Variants in CRPPA observed in about 807,000 individuals in gnomAD.
CRPPA encodes D-ribitol-5-phosphate cytidylyltransferase.
In CRPPA, 43 loss-of-function variants were observed where a neutral mutation model predicts 52.0. That is an observed-to-expected ratio of 0.83 (90% CI 0.65 to 1.07). CRPPA has a LOEUF of 1.07. Among genes scored for constraint, CRPPA ranks in the 50% least tolerant of loss-of-function variants. The pLI, the probability that CRPPA is intolerant of heterozygous loss-of-function variation, is 0.00. For missense variants in CRPPA, 629 were observed against 551.7 expected (o/e 1.14, Z -1.40); for synonymous variants, 250 against 203.5 (o/e 1.23, Z -1.94).
chr7:16,118,140 C>G (rs896982419), intron 9 of CRPPA, among the ~76,000 whole-genome samples: 1 of 152,158 alleles, frequency 6.6e-6, no homozygotes, highest in Non-Finnish European at 1.5e-5. Flanking sequence ...CGGCTCCATG[C>G]CAACCACTGT....
intron 9 of CRPPA, among the ~76,000 whole-genome samples, chr7:16,122,601 T>A (rs1188165736): frequency 6.6e-6 from 1 of 152,040 alleles, no homozygotes; most frequent in Non-Finnish European, 1.5e-5. Flanking sequence ...CCTATCCCAC[T>A]CAGATTTGTT....
At chr7:16,116,648 G>A (rs1439792765) in intron 9 of CRPPA, among the ~76,000 whole-genome samples, 13 of 11,450 alleles carry the variant, frequency 1.1e-3, no homozygotes, top group Non-Finnish European at 5.3e-3. Context: ...GCAATACAGC[G>A]AGACTCGGTC....
At chr7:16,254,436 T>G (rs1412626504) in intron 8 of CRPPA, among the ~76,000 whole-genome samples, 1 of 151,988 alleles carries the variant, frequency 6.6e-6, no homozygotes, top group South Asian at 2.1e-4. Flanking sequence ...ATGTCCTTTG[T>G]AGGGACATGG....
chr7:16,344,750 C>T (rs2158491), intron 3 of CRPPA, among the ~76,000 whole-genome samples: 39,087 of 151,348 alleles, frequency 0.26, 5,299 homozygotes, highest in Admixed American at 0.32. Context: ...CACAACAGCA[C>T]GCTTGCTCAG....
intron 3 of CRPPA, among the ~76,000 whole-genome samples, chr7:16,331,090 C>G (rs1785541006): frequency 6.6e-6 from 1 of 152,190 alleles, no homozygotes; most frequent in African/African-American, 2.4e-5. Flanking sequence ...AACTCTGCCT[C>G]CCGAGTTCAC....
intron 5 of CRPPA, among the ~76,000 whole-genome samples, chr7:16,279,979 G>A (rs1178224955): frequency 6.6e-6 from 1 of 152,256 alleles, no homozygotes; most frequent in Non-Finnish European, 1.5e-5. Context: ...CATGACAGCA[G>A]ACATGCGTCT....
At chr7:16,363,794 T>G (rs993582834) in intron 3 of CRPPA, among the ~76,000 whole-genome samples, 1 of 152,192 alleles carries the variant, frequency 6.6e-6, no homozygotes, top group Non-Finnish European at 1.5e-5. Flanking sequence ...ATGTCGTTAT[T>G]GCAGACAATA....
At chr7:16,350,306 C>T (rs1324043210) in intron 3 of CRPPA, among the ~76,000 whole-genome samples, 3 of 152,078 alleles carry the variant, frequency 2.0e-5, no homozygotes, top group Admixed American at 6.6e-5. Context: ...CATATGACTA[C>T]ATAAAACTCA....
chr7:16,267,048 A>G (rs1377864361), intron 6 of CRPPA, among the ~76,000 whole-genome samples: 1 of 152,228 alleles, frequency 6.6e-6, no homozygotes, highest in Non-Finnish European at 1.5e-5. Flanking sequence ...TGCATAAAAC[A>G]TTTGCAAGCT....
At chr7:16,399,769 GTGGC>G (rs1262828003) in intron 2 of CRPPA, among the ~76,000 whole-genome samples, 1 of 152,108 alleles carries the variant, frequency 6.6e-6, no homozygotes, top group South Asian at 2.1e-4. Context: ...CAAGTGACAA[GTGGC>G]TGACATGCTT....
At chr7:16,346,174 T>C (rs1786009369) in intron 3 of CRPPA, among the ~76,000 whole-genome samples, 1 of 152,270 alleles carries the variant, frequency 6.6e-6, no homozygotes, top group South Asian at 2.1e-4. Flanking sequence ...GCCCTGAGGA[T>C]GACACAGTGA....
At chr7:16,398,633 A>G (rs189452570) in intron 2 of CRPPA, among the ~76,000 whole-genome samples, 93 of 152,340 alleles carry the variant, frequency 6.1e-4, no homozygotes, top group African/African-American at 2.1e-3. Context: ...CATGACTGAC[A>G]CGTGACAAAC....
intron 5 of CRPPA, among the ~76,000 whole-genome samples, chr7:16,286,066 T>TTTAAAAAAA (rs1562608525): frequency 3.9e-5 from 1 of 25,842 alleles, no homozygotes; most frequent in Non-Finnish European, 6.9e-5. Context: ...TATATATATA[T>TTTAAAAAAA]ATATATATAT....
At chr7:16,317,152 C>T (rs890047987) in intron 3 of CRPPA, among the ~76,000 whole-genome samples, 2 of 152,106 alleles carry the variant, frequency 1.3e-5, no homozygotes, top group Admixed American at 6.6e-5. Flanking sequence ...AGCATGGACA[C>T]AGAAGTCAAA....
intron 3 of CRPPA, among the ~76,000 whole-genome samples, chr7:16,316,266 T>C (rs914722701): frequency 1.3e-5 from 2 of 152,012 alleles, no homozygotes; most frequent in Non-Finnish European, 2.9e-5. Context: ...CTCTGGAAGG[T>C]CTCAGAAAAA....
chr7:16,168,788 T>C (rs1562536461), intron 9 of CRPPA, among the ~76,000 whole-genome samples: 3 of 152,022 alleles, frequency 2.0e-5, no homozygotes. Flanking sequence ...ATACACATGC[T>C]AAAAGAAAAA....
chr7:16,302,527 A>G (rs62441882), intron 4 of CRPPA, among the ~76,000 whole-genome samples: 33,046 of 152,080 alleles, frequency 0.22, 4,557 homozygotes, highest in Admixed American at 0.31. Context: ...AGCTTTTATA[A>G]GGTCTTAAAA....
At chr7:16,302,156 C>T (rs1012767693) in intron 4 of CRPPA, among the ~76,000 whole-genome samples, 15 of 151,902 alleles carry the variant, frequency 9.9e-5, no homozygotes, top group Non-Finnish European at 2.1e-4. Flanking sequence ...ATTAGCCAGG[C>T]GCGGTGGCGG....
At chr7:16,102,398 C>A (rs897090892) in intron 9 of CRPPA, among the ~76,000 whole-genome samples, 2 of 152,102 alleles carry the variant, frequency 1.3e-5, no homozygotes, top group East Asian at 3.9e-4. Flanking sequence ...CAGGCATGGG[C>A]AAAGGCTTCA....
Sources: gnomAD v4.1 joint callset for allele counts (sites outside exome capture counted in the v4.1 genomes callset) on GRCh38, gnomAD v4.1.1 for gene constraint, MANE v1.5 for transcripts, NCBI Gene and HGNC (gene_info 2026-07-23, HGNC 2026-07-21) for gene names.